CSMD1: variants seen among roughly 807,000 people sequenced by gnomAD.
The protein encoded by CSMD1 is CUB and sushi domain-containing protein 1.
CSMD1 carries 213 observed loss-of-function variants against 417.5 expected under a neutral mutation model. The ratio of observed to expected loss-of-function variants is 0.51; its 90% CI spans 0.46 to 0.57. CSMD1 has a LOEUF of 0.57. CSMD1 is among the 20% of genes least tolerant of loss of function. The pLI, the probability that CSMD1 is intolerant of heterozygous loss-of-function variation, is 0.00. For missense variants in CSMD1, 6,923 were observed against 4,529.7 expected, an observed-to-expected ratio of 1.53 and a Z score of -15.17; for synonymous variants, 2,862 against 1,736.8, an observed-to-expected ratio of 1.65 and a Z score of -16.11.
chr8:3,764,284 C>A (rs1473395613), intron 5 of CSMD1, among the ~76,000 whole-genome samples: 2 of 152,166 alleles, frequency 1.3e-5, no homozygotes, highest in African/African-American at 2.4e-5. Flanking sequence ...CCGTCCAAAC[C>A]CTGGTGTCTC....
intron 1 of CSMD1, among the ~76,000 whole-genome samples, chr8:4,842,860 C>T (rs1383494392): frequency 6.6e-6 from 1 of 152,096 alleles, no homozygotes; most frequent in Non-Finnish European, 1.5e-5. Flanking sequence ...TTTTTCAACG[C>T]TTAAAGGCTT....
intron 3 of CSMD1, among the ~76,000 whole-genome samples, chr8:4,261,483 T>C (rs1278038043): frequency 1.3e-5 from 2 of 152,352 alleles, no homozygotes; most frequent in East Asian, 3.9e-4. Context: ...TGGGATCTAA[T>C]GTACAGCATG....
intron 3 of CSMD1, among the ~76,000 whole-genome samples, chr8:4,366,757 T>C (rs535347063): frequency 1.3e-5 from 2 of 152,296 alleles, no homozygotes; most frequent in South Asian, 2.1e-4. Flanking sequence ...GTGAACAACG[T>C]GCACGTTAGT....
intron 11 of CSMD1, among the ~76,000 whole-genome samples, chr8:3,475,791 T>A (rs1324192388): frequency 6.6e-6 from 1 of 152,266 alleles, no homozygotes; most frequent in Non-Finnish European, 1.5e-5. Context: ...TGATATGTGA[T>A]TATGTATTTG....
intron 3 of CSMD1, among the ~76,000 whole-genome samples, chr8:4,402,203 A>G (rs1804691285): frequency 6.6e-6 from 1 of 152,092 alleles, no homozygotes; most frequent in South Asian, 2.1e-4. Flanking sequence ...ACTTTCTGAC[A>G]TCCCATGCTC....
At chr8:4,038,849 T>C (rs1797746899) in intron 3 of CSMD1, among the ~76,000 whole-genome samples, 1 of 152,282 alleles carries the variant, frequency 6.6e-6, no homozygotes. Flanking sequence ...AATTTGTACA[T>C]CAGGGCTTGA....
chr8:3,339,786 A>G (rs1585022919), intron 23 of CSMD1, among the ~76,000 whole-genome samples: 2 of 152,200 alleles, frequency 1.3e-5, no homozygotes, highest in South Asian at 4.1e-4. Context: ...GGTGCGAAGA[A>G]GTACAAACAA....
intron 5 of CSMD1, among the ~76,000 whole-genome samples, chr8:3,905,832 G>C (rs574463344): frequency 6.6e-6 from 1 of 152,128 alleles, no homozygotes; most frequent in Admixed American, 6.5e-5. Flanking sequence ...TCTGGGCCTG[G>C]CATTCTAGTT....
intron 3 of CSMD1, among the ~76,000 whole-genome samples, chr8:4,163,122 T>A (rs1367028568): frequency 1.3e-5 from 2 of 152,206 alleles, no homozygotes; most frequent in Non-Finnish European, 2.9e-5. Context: ...CACAAGTTTA[T>A]CATTTCACCT....
At chr8:3,969,738 G>T (rs1186242248) in intron 5 of CSMD1, among the ~76,000 whole-genome samples, 1 of 152,188 alleles carries the variant, frequency 6.6e-6, no homozygotes, top group Non-Finnish European at 1.5e-5. Context: ...ACCATGTGTA[G>T]ATGCCACAGA....
intron 3 of CSMD1, among the ~76,000 whole-genome samples, chr8:4,049,920 C>G (rs1371755848): frequency 3.9e-5 from 6 of 151,970 alleles, no homozygotes; most frequent in South Asian, 2.1e-4. Flanking sequence ...GGAATCCATT[C>G]GGATACCACA....
chr8:3,840,261 G>A (rs974783703), intron 5 of CSMD1, among the ~76,000 whole-genome samples: 5 of 152,120 alleles, frequency 3.3e-5, no homozygotes, highest in African/African-American at 1.2e-4. Flanking sequence ...GCCAAATGGT[G>A]AAACAGATGT....
At chr8:3,784,223 T>G (rs2129064360) in intron 5 of CSMD1, among the ~76,000 whole-genome samples, 1 of 152,322 alleles carries the variant, frequency 6.6e-6, no homozygotes, top group South Asian at 2.1e-4. Context: ...TAACAAATTA[T>G]TTTTTAAAAG....
chr8:4,611,471 A>G (rs1176801554), intron 2 of CSMD1, among the ~76,000 whole-genome samples: 1 of 152,164 alleles, frequency 6.6e-6, no homozygotes, highest in Non-Finnish European at 1.5e-5. Context: ...CTGATTGTAT[A>G]GTTTTCTTCA....
intron 8 of CSMD1, 125 bp downstream of exon 8, chr8:3,616,585 G>T (rs1164327928): frequency 3.1e-6 from 2 of 651,572 alleles, no homozygotes; most frequent in East Asian, 5.5e-5. Flanking sequence ...CACACATTTA[G>T]AGTTAATGAT....
intron 6 of CSMD1, among the ~76,000 whole-genome samples, chr8:3,742,656 C>A (rs765677276): frequency 6.6e-6 from 1 of 152,060 alleles, no homozygotes; most frequent in African/African-American, 2.4e-5. Context: ...GGACGTCTCT[C>A]CCATACACCT....
chr8:3,991,689 G>T (rs147349877), intron 5 of CSMD1, among the ~76,000 whole-genome samples: 2 of 152,166 alleles, frequency 1.3e-5, no homozygotes, highest in African/African-American at 4.8e-5. Context: ...ATTCTAGGAT[G>T]AGAGTGGAGT....
At chr8:2,979,574 C>T (rs1032205198) in intron 54 of CSMD1, among the ~76,000 whole-genome samples, 1 of 152,246 alleles carries the variant, frequency 6.6e-6, no homozygotes, top group African/African-American at 2.4e-5. Context: ...ACAGTCTCTC[C>T]AGATATTTCT....
intron 7 of CSMD1, among the ~76,000 whole-genome samples, chr8:3,677,887 AT>A (rs1456374800): frequency 6.6e-6 from 1 of 152,132 alleles, no homozygotes; most frequent in Non-Finnish European, 1.5e-5. Flanking sequence ...CTTTTTTTCC[AT>A]CATGAAACAC....
Sources: allele counts gnomAD v4.1 joint callset (sites outside exome capture counted in the v4.1 genomes callset), GRCh38; gene constraint gnomAD v4.1.1; transcripts MANE v1.5; gene names NCBI Gene and HGNC (gene_info 2026-07-23, HGNC 2026-07-21).